RBFOX1: variants seen among roughly 807,000 people sequenced by gnomAD.
RBFOX1 encodes the protein RNA binding fox-1 homolog 1.
A neutral mutation model predicts 57.7 loss-of-function variants in RBFOX1; 8 were observed. The ratio of observed to expected loss-of-function variants is 0.14; its 90% CI spans 0.08 to 0.25. The LOEUF is 0.25. RBFOX1 is among the 10% of genes least tolerant of loss of function. The pLI, the probability that RBFOX1 is intolerant of heterozygous loss-of-function variation, is 1.00. For missense variants in RBFOX1, 611 were observed against 548.5 expected, an observed-to-expected ratio of 1.11 and a Z score of -1.14; for synonymous variants, 326 against 222.4, an observed-to-expected ratio of 1.47 and a Z score of -4.15.
chr16:5,577,347 G>A (rs2046494930), intron 2 of RBFOX1, among the ~76,000 whole-genome samples: 1 of 152,146 alleles, frequency 6.6e-6, no homozygotes, highest in South Asian at 2.1e-4. Flanking sequence ...TGTTAGGGAG[G>A]CATAGACCTG....
intron 4 of RBFOX1, among the ~76,000 whole-genome samples, chr16:7,459,399 C>A (rs1225856623): frequency 3.3e-5 from 5 of 152,176 alleles, no homozygotes; most frequent in African/African-American, 1.2e-4. Context: ...CCGTGCCTTC[C>A]TTCCTTCTCT....
chr16:7,555,868 C>T lies in RBFOX1; in HGVS notation c.271-23909C>T, dbSNP rs915835670. Among the ~76,000 whole-genome samples, 4 of 152,184 alleles carry T rather than the reference C, an allele frequency of 2.6e-5. No individual in the cohort carries two copies. The East Asian group carries it at 7.7e-4, about 29-fold the overall frequency. On this transcript the variant is annotated intron_variant, in intron 5 of 15. Coordinates refer to ENST00000550418, the MANE Select transcript of RBFOX1 (RefSeq NM_018723.4). ...CAGTATTTATCTCATGGTGCCTATG[C>T]TTCCAACATGCTCTGCAATGCTCTG...
intron 1 of RBFOX1, among the ~76,000 whole-genome samples, chr16:5,344,158 T>A (rs1478373747): frequency 1.3e-5 from 2 of 152,244 alleles, no homozygotes; most frequent in Non-Finnish European, 2.9e-5. Flanking sequence ...CCTTTGGTAT[T>A]TCTGTGGAAG....
At chr16:6,670,419 A>C (rs17722735) in intron 3 of RBFOX1, among the ~76,000 whole-genome samples, 34,618 of 152,066 alleles carry the variant, frequency 0.23, 4,167 homozygotes, top group East Asian at 0.28. Context: ...TTTCATGTTG[A>C]TTGAATTCAC....
intron 4 of RBFOX1, among the ~76,000 whole-genome samples, chr16:7,374,692 C>A (rs960812989): frequency 4.6e-5 from 7 of 152,240 alleles, no homozygotes; most frequent in African/African-American, 1.7e-4. Context: ...CCTAAACATT[C>A]CCTCTTTTGT....
intron 5 of RBFOX1, among the ~76,000 whole-genome samples, chr16:7,525,390 C>T (rs915063430): frequency 6.6e-6 from 1 of 152,142 alleles, no homozygotes; most frequent in Non-Finnish European, 1.5e-5. Flanking sequence ...TATTTACCAT[C>T]AGGCTACAGT....
intron 4 of RBFOX1, among the ~76,000 whole-genome samples, chr16:7,183,488 A>G (rs1016929584): frequency 6.6e-6 from 1 of 152,190 alleles, no homozygotes; most frequent in Non-Finnish European, 1.5e-5. Flanking sequence ...GGTTCATCCA[A>G]ATTTTAGCTA....
chr16:7,013,336 G>A (rs943021667), intron 3 of RBFOX1, among the ~76,000 whole-genome samples: 2 of 152,164 alleles, frequency 1.3e-5, no homozygotes, highest in African/African-American at 4.8e-5. Flanking sequence ...TGTTATACGT[G>A]CAATAAACAT....
At chr16:7,102,891 G>C (rs527458644) in intron 4 of RBFOX1, among the ~76,000 whole-genome samples, 3 of 152,216 alleles carry the variant, frequency 2.0e-5, no homozygotes, top group Non-Finnish European at 2.9e-5. Flanking sequence ...TCAATTGAGT[G>C]CTACAAGTAT....
chr16:6,965,641 A>C (rs936952386), intron 3 of RBFOX1, among the ~76,000 whole-genome samples: 2 of 152,178 alleles, frequency 1.3e-5, no homozygotes, highest in African/African-American at 2.4e-5. Context: ...CTGGCTGACA[A>C]ATCCAGTTTT....
intron 4 of RBFOX1, among the ~76,000 whole-genome samples, chr16:7,160,372 G>A (rs1194474011): frequency 6.6e-6 from 1 of 151,992 alleles, no homozygotes; most frequent in Non-Finnish European, 1.5e-5. Context: ...ACCAGACTTT[G>A]TTTCTTCTTC....
At chr16:5,734,510 C>G (rs1264594022) in intron 3 of RBFOX1, among the ~76,000 whole-genome samples, 1 of 152,192 alleles carries the variant, frequency 6.6e-6, no homozygotes, top group East Asian at 1.9e-4. Context: ...CCTCTAAGCC[C>G]CATGGAGTGT....
chr16:7,260,658 T>C (rs150492175), intron 4 of RBFOX1, among the ~76,000 whole-genome samples: 5 of 152,192 alleles, frequency 3.3e-5, no homozygotes, highest in East Asian at 2.0e-4. Flanking sequence ...TCCATTAGTT[T>C]ATTGATTTTT....
At chr16:6,435,445 C>T (rs1323265800) in intron 2 of RBFOX1, among the ~76,000 whole-genome samples, 2 of 152,066 alleles carry the variant, frequency 1.3e-5, no homozygotes, top group East Asian at 1.9e-4. Flanking sequence ...GGACTATAGG[C>T]ATGCCATCAC....
chr16:6,165,355 T>G (rs1302571516), intron 1 of RBFOX1, among the ~76,000 whole-genome samples: 1 of 152,122 alleles, frequency 6.6e-6, no homozygotes, highest in African/African-American at 2.4e-5. Flanking sequence ...AAAACAACCG[T>G]AAAGAAACAA....
At chr16:6,541,764 T>A (rs188296967) in intron 2 of RBFOX1, among the ~76,000 whole-genome samples, 10 of 152,186 alleles carry the variant, frequency 6.6e-5, no homozygotes, top group African/African-American at 2.4e-4. Flanking sequence ...AGAGGAAGGA[T>A]ACTGGACATA....
intron 2 of RBFOX1, among the ~76,000 whole-genome samples, chr16:6,369,412 T>A (rs2090118580): frequency 2.0e-5 from 3 of 152,198 alleles, no homozygotes; most frequent in African/African-American, 7.2e-5. Context: ...AGGCATTGTT[T>A]GAGAACGTTT....
At chr16:6,319,809 C>T (rs1364804059) in intron 2 of RBFOX1, among the ~76,000 whole-genome samples, 1 of 152,182 alleles carries the variant, frequency 6.6e-6, no homozygotes. Context: ...TGATTTTCTA[C>T]AACTTGAAAA....
At chr16:7,110,085 C>G (rs1048351490) in intron 4 of RBFOX1, among the ~76,000 whole-genome samples, 2 of 151,160 alleles carry the variant, frequency 1.3e-5, no homozygotes, top group Admixed American at 6.6e-5. Context: ...TGTGGTGGCT[C>G]AGGCATGTAT....
Sources: gnomAD v4.1 joint callset for allele counts (sites outside exome capture counted in the v4.1 genomes callset) on GRCh38, gnomAD v4.1.1 for gene constraint, MANE v1.5 for transcripts, NCBI Gene and HGNC (gene_info 2026-07-23, HGNC 2026-07-21) for gene names.